RABGEF1: variants seen among roughly 807,000 people sequenced by gnomAD.
The protein encoded by RABGEF1 is rab5 GDP/GTP exchange factor.
RABGEF1 carries 26 observed loss-of-function variants against 57.3 expected under a neutral mutation model. The ratio of observed to expected loss-of-function variants is 0.45; its 90% CI spans 0.33 to 0.63. RABGEF1 has a LOEUF of 0.63. Among genes scored for constraint, RABGEF1 ranks in the 20% least tolerant of loss-of-function variants. The pLI is 0.02. For missense variants in RABGEF1, 464 were observed against 607.6 expected, an observed-to-expected ratio of 0.76 and a Z score of 2.48; for synonymous variants, 185 against 210.7, an observed-to-expected ratio of 0.88 and a Z score of 1.06.
chr7:66,674,537 A>C, the RABGEF1 span, among the ~76,000 whole-genome samples: 2 of 152,122 alleles, frequency 1.3e-5, no homozygotes, highest in Non-Finnish European at 2.9e-5. Flanking sequence ...ATAATAGCCC[A>C]AAACTGGAAA....
chr7:66,681,032 G>T (rs1161192407), upstream of RABGEF1, among the ~76,000 whole-genome samples: 2 of 151,608 alleles, frequency 1.3e-5, no homozygotes, highest in African/African-American at 4.9e-5. Flanking sequence ...GCAGTGAGCC[G>T]AGATCACACC....
At chr7:66,660,273 G>A in the RABGEF1 span, among the ~76,000 whole-genome samples, 7 of 151,580 alleles carry the variant, frequency 4.6e-5, no homozygotes, top group South Asian at 2.1e-4. Context: ...GTGTAAACCC[G>A]TGAGGCTGAG....
intron 1 of RABGEF1, among the ~76,000 whole-genome samples, chr7:66,759,591 A>G (rs1357539581): frequency 1.3e-5 from 2 of 152,218 alleles, no homozygotes; most frequent in African/African-American, 2.4e-5. Flanking sequence ...TGTACAGGAA[A>G]CATTGCAGCT....
At chr7:66,655,256 C>T in the RABGEF1 span, among the ~76,000 whole-genome samples, 1 of 152,138 alleles carries the variant, frequency 6.6e-6, no homozygotes, top group Non-Finnish European at 1.5e-5. Context: ...ACTTCCGAAC[C>T]GTCTGGGAGG....
At chr7:66,798,885 C>G (rs1221730284) in intron 6 of RABGEF1, among the ~76,000 whole-genome samples, 1 of 152,132 alleles carries the variant, frequency 6.6e-6, no homozygotes, top group Non-Finnish European at 1.5e-5. Flanking sequence ...TTGCTTGAAC[C>G]CAGGATGCAG....
intron 1 of RABGEF1, among the ~76,000 whole-genome samples, chr7:66,742,702 G>C (rs568039663): frequency 8.5e-4 from 129 of 152,226 alleles, no homozygotes; most frequent in African/African-American, 3.0e-3. Flanking sequence ...AACTGCCTGT[G>C]CTGAAGTGAT....
At chr7:66,677,716 C>T (rs1317206039), upstream of RABGEF1, among the ~76,000 whole-genome samples, 7 of 143,772 alleles carry the variant, frequency 4.9e-5, no homozygotes, top group Non-Finnish European at 1.0e-4. Flanking sequence ...GAGCTGAGAT[C>T]ACGCCACTGC....
intron 5 of RABGEF1, chr7:66,796,881 C>T (rs115494351): frequency 2.2e-5 from 10 of 444,826 alleles, no homozygotes; most frequent in East Asian, 7.1e-5. Flanking sequence ...GTAGAGCCAC[C>T]GCACCCAGCT....
intron 1 of RABGEF1, among the ~76,000 whole-genome samples, chr7:66,768,647 TCTGAGAC>T (rs145098048): frequency 0.022 from 3,399 of 152,286 alleles, 55 homozygotes; most frequent in Middle Eastern, 0.044. Context: ...TATGTGCTGA[TCTGAGAC>T]CTGCATAGTG....
intron 3 of RABGEF1, among the ~76,000 whole-genome samples, chr7:66,780,734 A>G (rs1809693347): frequency 6.6e-6 from 1 of 152,158 alleles, no homozygotes; most frequent in Non-Finnish European, 1.5e-5. Context: ...TAGTATATAT[A>G]TATTTAGGGT....
At chr7:66,663,204 A>T in the RABGEF1 span, among the ~76,000 whole-genome samples, 1 of 152,250 alleles carries the variant, frequency 6.6e-6, no homozygotes, top group African/African-American at 2.4e-5. Context: ...ACTTTTAGTT[A>T]GTTGAATATC....
chr7:66,728,050 T>C (rs184627933), intron 2 of RABGEF1, among the ~76,000 whole-genome samples: 8 of 152,288 alleles, frequency 5.3e-5, no homozygotes, highest in Middle Eastern at 3.4e-3. Context: ...TGTAATTCTT[T>C]GCAGACCCTC....
intron 1 of RABGEF1, among the ~76,000 whole-genome samples, chr7:66,758,995 A>T (rs528573192): frequency 6.6e-6 from 1 of 152,364 alleles, no homozygotes; most frequent in Non-Finnish European, 1.5e-5. Context: ...GTTACATGTT[A>T]CATAACTATA....
intron 1 of RABGEF1, among the ~76,000 whole-genome samples, chr7:66,757,911 G>A (rs565108297): frequency 8.6e-5 from 13 of 151,748 alleles, no homozygotes; most frequent in African/African-American, 1.9e-4. Flanking sequence ...GCGCCCGGCC[G>A]ACCAAAACAT....
chr7:66,783,513 A>T (rs1238652523), intron 3 of RABGEF1, among the ~76,000 whole-genome samples, 162 bp from the exon 4 acceptor site: 1 of 152,258 alleles, frequency 6.6e-6, no homozygotes, highest in Non-Finnish European at 1.5e-5. Flanking sequence ...GATTTAGTTT[A>T]CTTTAAGGAA....
At chr7:66,762,411 C>T (rs1291290364) in intron 1 of RABGEF1, among the ~76,000 whole-genome samples, 3 of 151,860 alleles carry the variant, frequency 2.0e-5, no homozygotes, top group Non-Finnish European at 4.4e-5. Context: ...GTCAATATGG[C>T]GAAACCCTGT....
chr7:66,764,810 G>A (rs1276556683), intron 1 of RABGEF1, among the ~76,000 whole-genome samples: 2 of 152,172 alleles, frequency 1.3e-5, no homozygotes, highest in Admixed American at 6.6e-5. Context: ...ATTCTATTCC[G>A]TTGATTTCTA....
the RABGEF1 span, chr7:66,668,840 C>G: frequency 6.6e-6 from 1 of 152,360 alleles, no homozygotes; most frequent in Non-Finnish European, 1.5e-5. Context: ...GCAGCGATCT[C>G]CAGGGGCACT....
chr7:66,663,190 G>C, the RABGEF1 span, among the ~76,000 whole-genome samples: 1 of 152,198 alleles, frequency 6.6e-6, no homozygotes, highest in Non-Finnish European at 1.5e-5. Context: ...TTCCCATAAG[G>C]GATACTTTTA....
Sources: gnomAD v4.1 joint callset for allele counts (sites outside exome capture counted in the v4.1 genomes callset) on GRCh38, gnomAD v4.1.1 for gene constraint, MANE v1.5 for transcripts, NCBI Gene and HGNC (gene_info 2026-07-23, HGNC 2026-07-21) for gene names.